HECTD2: variants seen among roughly 807,000 people sequenced by gnomAD.
The protein encoded by HECTD2 is probable E3 ubiquitin-protein ligase HECTD2.
Under a neutral mutation model 103.2 loss-of-function variants are expected in HECTD2, and 35 were observed. The ratio of observed to expected loss-of-function variants is 0.34; its 90% CI spans 0.26 to 0.45. The LOEUF (loss-of-function observed/expected upper bound fraction) is 0.45. Ranked by LOEUF, HECTD2 falls within the 20% of genes least tolerant of loss-of-function variation. The pLI, the probability that HECTD2 is intolerant of heterozygous loss-of-function variation, is 1.00. For missense variants in HECTD2, 596 were observed against 937.4 expected (o/e 0.64, Z 4.76); for synonymous variants, 281 against 329.9 (o/e 0.85, Z 1.61).
intron 14 of HECTD2, 64 bp from the exon 15 acceptor site, chr10:91,496,150 C>A: frequency 1.8e-6 from 2 of 1,082,814 alleles, no homozygotes; most frequent in South Asian, 1.9e-5. Context: ...TAGACTGATG[C>A]ATAATTCAGA....
At chr10:91,482,319 A>C (rs1450312726) in intron 7 of HECTD2, among the ~76,000 whole-genome samples, 1 of 151,844 alleles carries the variant, frequency 6.6e-6, no homozygotes, top group Non-Finnish European at 1.5e-5. Context: ...TGAAATGTAC[A>C]TTGTGCTAGA....
At chr10:91,424,465 C>G (rs1843480906) in intron 1 of HECTD2, among the ~76,000 whole-genome samples, 1 of 152,074 alleles carries the variant, frequency 6.6e-6, no homozygotes, top group African/African-American at 2.4e-5. Flanking sequence ...AAGAAGTTAA[C>G]TACTGTATTC....
intron 2 of HECTD2, among the ~76,000 whole-genome samples, chr10:91,459,283 T>G (rs1845241547): frequency 6.6e-6 from 1 of 152,062 alleles, no homozygotes; most frequent in Admixed American, 6.6e-5. Context: ...ACAGCCACTC[T>G]GGAAAACAAG....
intron 2 of HECTD2, among the ~76,000 whole-genome samples, chr10:91,432,434 ATAAG>A (rs1474374540): frequency 6.6e-6 from 1 of 151,932 alleles, no homozygotes; most frequent in Non-Finnish European, 1.5e-5. Context: ...CCTTTTAAAA[ATAAG>A]TGAGAAGTGT....
intron 1 of HECTD2, among the ~76,000 whole-genome samples, chr10:91,424,323 A>G (rs1206177592): frequency 1.3e-5 from 2 of 152,282 alleles, no homozygotes; most frequent in South Asian, 2.1e-4. Flanking sequence ...CTTCTGCTAT[A>G]TTATATGAGT....
intron 1 of HECTD2, among the ~76,000 whole-genome samples, chr10:91,414,588 A>G (rs1463963251): frequency 6.6e-6 from 1 of 152,242 alleles, no homozygotes; most frequent in Admixed American, 6.5e-5. Flanking sequence ...CCATAGAAAC[A>G]ATTTGTACTA....
At chr10:91,427,071 A>G (rs560608944) in intron 2 of HECTD2, among the ~76,000 whole-genome samples, 1 of 135,228 alleles carries the variant, frequency 7.4e-6, no homozygotes, top group African/African-American at 2.8e-5. Context: ...TCATTGTTCA[A>G]TTCCCATCTA....
intron 5 of HECTD2, among the ~76,000 whole-genome samples, chr10:91,466,337 C>T (rs1303296848): frequency 6.6e-6 from 1 of 151,928 alleles, no homozygotes; most frequent in East Asian, 1.9e-4. Context: ...AGGCTTATCA[C>T]TTTTATTGTT....
chr10:91,425,497 A>G, intron 2 of HECTD2, 87 bp downstream of exon 2: 1 of 1,006,324 alleles, frequency 9.9e-7, no homozygotes, highest in Non-Finnish European at 1.4e-6. Context: ...CATTGTTCTG[A>G]TAGGTCTAGT....
At chr10:91,503,139 G>A (rs1378973484) in intron 20 of HECTD2, among the ~76,000 whole-genome samples, 2 of 152,182 alleles carry the variant, frequency 1.3e-5, no homozygotes, top group Non-Finnish European at 2.9e-5. Context: ...GCAACATGCA[G>A]CCAATAAGCA....
chr10:91,497,557 C>G (rs1846733319), intron 15 of HECTD2, among the ~76,000 whole-genome samples: 1 of 149,904 alleles, frequency 6.7e-6, no homozygotes, highest in East Asian at 2.0e-4. Flanking sequence ...GATCTGCCCA[C>G]CTCGGCCTCC....
intron 20 of HECTD2, among the ~76,000 whole-genome samples, chr10:91,507,876 A>G (rs1290410420): frequency 7.7e-6 from 1 of 130,534 alleles, no homozygotes; most frequent in East Asian, 2.1e-4. Flanking sequence ...AAACTATACT[A>G]CAAGGCTACA....
chr10:91,470,300 G>A (rs896915824), intron 5 of HECTD2, among the ~76,000 whole-genome samples: 1 of 152,024 alleles, frequency 6.6e-6, no homozygotes, highest in Admixed American at 6.5e-5. Flanking sequence ...CTTTAAGATC[G>A]ACCACATAAT....
intron 20 of HECTD2, among the ~76,000 whole-genome samples, chr10:91,506,560 C>T (rs1589555250): frequency 6.6e-6 from 1 of 152,156 alleles, no homozygotes; most frequent in Non-Finnish European, 1.5e-5. Context: ...TACACTCTCC[C>T]AAGACTAAAC....
At chr10:91,490,680 A>G (rs992893736) in intron 11 of HECTD2, among the ~76,000 whole-genome samples, 4 of 151,664 alleles carry the variant, frequency 2.6e-5, no homozygotes, top group Admixed American at 2.6e-4. Flanking sequence ...TCACGAGGTC[A>G]GGAGATCGAG....
At position 91,412,343 on chromosome 10, in the gene HECTD2, A is replaced by G. The variant is rs1289414055; in HGVS notation, c.138+1767A>G. 3.3e-5 allele frequency among the ~76,000 whole-genome samples: 5 copies of G among 152,200 alleles called. No homozygotes were observed. In the East Asian group the frequency reaches 5.8e-4, roughly 18 times the overall value. ...AAATAGAGGATTATGGACTTGTACT[A>G]CTAGACAAAGAGAAGAATATATTCA... On this transcript the variant is annotated intron_variant, in intron 1 of 20. Coordinates refer to ENST00000298068, the MANE Select transcript of HECTD2 (RefSeq NM_182765.6).
chr10:91,453,915 C>G (rs1205606600), intron 2 of HECTD2, among the ~76,000 whole-genome samples: 1 of 151,886 alleles, frequency 6.6e-6, no homozygotes, highest in Non-Finnish European at 1.5e-5. Context: ...GGACTTAGAA[C>G]AAAGAAAACT....
intron 20 of HECTD2, 140 bp from the exon 21 acceptor site, chr10:91,512,124 C>G: frequency 1.2e-6 from 1 of 827,466 alleles, no homozygotes; most frequent in Admixed American, 2.5e-5. Flanking sequence ...AATATCTGTT[C>G]AGTGAAGAAA....
chr10:91,510,208 G>T (rs868652704), intron 20 of HECTD2, among the ~76,000 whole-genome samples: 1 of 152,138 alleles, frequency 6.6e-6, no homozygotes, highest in Admixed American at 6.5e-5. Flanking sequence ...CCCTAAAAGG[G>T]CATGAATCCT....
Sources: gnomAD v4.1 joint callset for allele counts (sites outside exome capture counted in the v4.1 genomes callset) on GRCh38, gnomAD v4.1.1 for gene constraint, MANE v1.5 for transcripts, NCBI Gene and HGNC (gene_info 2026-07-23, HGNC 2026-07-21) for gene names.